RAI1: variants seen among roughly 807,000 people sequenced by gnomAD.
The protein encoded by RAI1 is retinoic acid-induced protein 1.
In RAI1, 9 loss-of-function variants were observed where a neutral mutation model predicts 123.8. The ratio of observed to expected loss-of-function variants is 0.07; its 90% CI spans 0.04 to 0.13. The LOEUF is 0.13. Among genes scored for constraint, RAI1 ranks in the 10% least tolerant of loss-of-function variants. The pLI is 1.00. For synonymous variants in RAI1, 1,231 were observed against 1,127.3 expected (o/e 1.09, Z -1.84); for missense variants, 2,256 against 2,545.8 (o/e 0.89, Z 2.45).
chr17:17,775,469 G>A (rs995913628), intron 2 of RAI1, among the ~76,000 whole-genome samples: 1 of 152,074 alleles, frequency 6.6e-6, no homozygotes, highest in African/African-American at 2.4e-5. Flanking sequence ...CTCCCAAAGT[G>A]CTGGAATTAT....
At chr17:17,702,075 G>T (rs1598021261) in intron 1 of RAI1, among the ~76,000 whole-genome samples, 2 of 152,254 alleles carry the variant, frequency 1.3e-5, no homozygotes, top group South Asian at 4.1e-4. Flanking sequence ...TGGAAGGAAG[G>T]ATAAGTGTGA....
chr17:17,775,090 A>C (rs187090134), intron 2 of RAI1, among the ~76,000 whole-genome samples: 2 of 152,308 alleles, frequency 1.3e-5, no homozygotes, highest in East Asian at 3.9e-4. Context: ...GTAGAAATAG[A>C]ATGAAAACAT....
At chr17:17,764,558 C>T (rs1306971145) in intron 2 of RAI1, among the ~76,000 whole-genome samples, 2 of 151,942 alleles carry the variant, frequency 1.3e-5, no homozygotes, top group South Asian at 2.1e-4. Context: ...CTACAACCTC[C>T]GTCTCCCGAG....
chr17:17,803,844 A>G lies in RAI1; in HGVS notation c.5654A>G (p.Asp1885Gly). 3 of 1,613,284 alleles carry G rather than the reference A, an allele frequency of 1.9e-6. No individual in the cohort carries two copies. Among genetic ancestry groups the G allele is most frequent in the Non-Finnish European group, 2.5e-6 (3 of 1,179,828 alleles). The stretch of plus-strand genomic sequence containing the variant: ...ACCTACCACTACCCGTGTGCCAGCG[A>G]TGCAGGTACGAGCCCGCCCAGGAAC... The part of the protein sequence containing the change: ...LHTYHYPCAS[D>G]AGCIFIEENF... The change falls in exon 4 of 6, where the codon GAT becomes GGT. Residue 1885 changes from aspartate to glycine, a missense_variant. Asp to Gly is a moderately conservative substitution (Grantham distance 94). Coordinates refer to ENST00000353383, the MANE Select transcript of RAI1 (RefSeq NM_030665.4).
chr17:17,808,775 A>G (rs1230214907), intron 4 of RAI1, among the ~76,000 whole-genome samples: 1 of 152,126 alleles, frequency 6.6e-6, no homozygotes, highest in African/African-American at 2.4e-5. Flanking sequence ...CCCATCCTCA[A>G]TCTCCATGAT....
At position 17,800,180 on chromosome 17, in the gene RAI1, G is replaced by GTGTCTCTCTCTCTC. The variant is rs1407505001; in HGVS notation, c.5565+1668_5565+1669insGTCTCTCTCTCTCT. Among the ~76,000 whole-genome samples the GTGTCTCTCTCTCTC allele has an allele frequency of 6.4e-4, 74 of 116,392 alleles. 3 individuals carry two copies. The highest frequency in any genetic ancestry group is 2.0e-3 in the African/African-American group (67 of 33,440). The allele number at this position is 116,392 out of a possible 152,430, so 76.4% of individuals were successfully genotyped here. On this transcript the variant is annotated intron_variant, in intron 3 of 5. Coordinates refer to ENST00000353383, the MANE Select transcript of RAI1 (RefSeq NM_030665.4). The surrounding 1 kb of genome is among the most constrained non-coding windows in gnomAD (Gnocchi z 4.7). ...TCTCTCCTGCTTTCTGTCTCTCTCT[G>GTGTCTCTCTCTCTC]TCTCTCTCTCTCTCTCTCTCTCTCT...
intron 2 of RAI1, chr17:17,766,187 T>C (rs2030921150): frequency 6.6e-6 from 1 of 152,174 alleles, no homozygotes; most frequent in African/African-American, 2.4e-5. Context: ...TTAAGAAACA[T>C]ATGGCCTAGT....
chr17:17,805,007 C>A (rs182319889), intron 4 of RAI1, among the ~76,000 whole-genome samples: 81 of 152,266 alleles, frequency 5.3e-4, no homozygotes, highest in African/African-American at 1.9e-3. Flanking sequence ...GGACTACAGG[C>A]GTGCACCACC....
At chr17:17,787,338 T>TG (rs1489782004) in intron 2 of RAI1, among the ~76,000 whole-genome samples, 1 of 152,210 alleles carries the variant, frequency 6.6e-6, no homozygotes, top group Admixed American at 6.5e-5. Flanking sequence ...ACCAGACCCT[T>TG]GCCCTGTTAA....
chr17:17,753,946 T>C (rs746886696), intron 2 of RAI1, among the ~76,000 whole-genome samples: 9 of 152,152 alleles, frequency 5.9e-5, no homozygotes, highest in Non-Finnish European at 1.0e-4. Context: ...CACTTCAACT[T>C]TGCATTGGAT....
intron 1 of RAI1, among the ~76,000 whole-genome samples, chr17:17,711,417 C>A (rs1222423555): frequency 6.6e-6 from 1 of 152,224 alleles, no homozygotes; most frequent in African/African-American, 2.4e-5. Context: ...CCCAGGTCCT[C>A]CCAGCTCCCC....
intron 2 of RAI1, among the ~76,000 whole-genome samples, chr17:17,774,143 G>A (rs893151289): frequency 2.0e-5 from 3 of 152,186 alleles, no homozygotes; most frequent in African/African-American, 7.2e-5. Context: ...ATGTCTGGTA[G>A]GTGTGGGAAT....
chr17:17,744,009 C>A (rs1306450526), intron 2 of RAI1, among the ~76,000 whole-genome samples: 1 of 152,202 alleles, frequency 6.6e-6, no homozygotes, highest in Admixed American at 6.5e-5. Context: ...GGCTGTGAGA[C>A]AGTCATTGCA....
chr17:17,723,036 T>C lies in RAI1; in HGVS notation c.-148-992T>C, dbSNP rs73981033. 9.2e-3 allele frequency among the ~76,000 whole-genome samples: 1,393 copies of C among 152,062 alleles called. 24 individuals are homozygous for C. Among genetic ancestry groups the C allele is most frequent in the African/African-American group, 0.03 (1,240 of 41,488 alleles). On this transcript the variant is annotated intron_variant, in intron 1 of 5. Coordinates refer to ENST00000353383, the MANE Select transcript of RAI1 (RefSeq NM_030665.4). The stretch of plus-strand genomic sequence containing the variant: ...CCTGCAGATACCCACCACAGCCCTT[T>C]AAGTTAACCCAAAGCCCCGTACAGG...
rs2032382282 is a variant in RAI1 at position 17,799,428 on chromosome 17, G to A, written c.5565+915G>A. 1.3e-5 allele frequency among the ~76,000 whole-genome samples: 2 copies of A among 152,178 alleles called. No individual in the cohort carries two copies. Among genetic ancestry groups the A allele is most frequent in the African/African-American group, 4.8e-5 (2 of 41,430 alleles). ...AGAGTACCTCTGTGCCCTTCTGAGG[G>A]AGGGGTCAGTGGGGGCGGTGGGGTG... is the stretch of plus-strand genomic sequence containing the variant. On this transcript the variant is annotated intron_variant, in intron 3 of 5. Coordinates refer to ENST00000353383, the MANE Select transcript of RAI1 (RefSeq NM_030665.4). This position sits in a 1 kb window ranked among gnomAD's most constrained non-coding sequence, Gnocchi z 4.5.
rs370771327 is a variant in RAI1 at position 17,762,304 on chromosome 17, C to T, written c.-16-30629C>T. On this transcript the variant is annotated intron_variant, in intron 2 of 5. Coordinates refer to ENST00000353383, the MANE Select transcript of RAI1 (RefSeq NM_030665.4). Reference sequence around the variant, plus strand: ...AGACCCAGGAGGATGGCGTCCCAGGCGGAGGGAACAGCATGTGCAAAGGCC... The same window carrying T: ...AGACCCAGGAGGATGGCGTCCCAGGTGGAGGGAACAGCATGTGCAAAGGCC... Among the ~76,000 whole-genome samples the T allele has an allele frequency of 5.3e-4, 81 of 152,036 alleles. 1 individual carries two copies. The highest frequency in any genetic ancestry group is 1.7e-3 in the African/African-American group (69 of 41,460).
chr17:17,801,867 A>C lies in RAI1; in HGVS notation c.5566-1889A>C, dbSNP rs1299954353. 6.6e-6 allele frequency among the ~76,000 whole-genome samples: 1 copy of C among 152,218 alleles called. No homozygotes were observed. Among genetic ancestry groups the C allele is most frequent in the Non-Finnish European group, 1.5e-5 (1 of 68,040 alleles). On this transcript the variant is annotated intron_variant, in intron 3 of 5. Transcript: ENST00000353383. The surrounding 1 kb of genome is among the most constrained non-coding windows in gnomAD (Gnocchi z 4.1). Reference sequence around the variant, plus strand: ...GGCAGGTTACTCAGCCTCAGCTCTCATTGGTAACCCAGGTAAAATAACAGT... The same window carrying C: ...GGCAGGTTACTCAGCCTCAGCTCTCCTTGGTAACCCAGGTAAAATAACAGT...
At chr17:17,721,653 G>T (rs951324630) in intron 1 of RAI1, among the ~76,000 whole-genome samples, 1 of 152,196 alleles carries the variant, frequency 6.6e-6, no homozygotes, top group African/African-American at 2.4e-5. Context: ...CAGCCAGGTT[G>T]GTGATCCCCA....
intron 1 of RAI1, among the ~76,000 whole-genome samples, chr17:17,686,590 T>C (rs1914643396): frequency 6.7e-6 from 1 of 148,302 alleles, no homozygotes; most frequent in African/African-American, 2.5e-5. Context: ...TGTGTGTGTG[T>C]GTGTGTGTGT....
Sources: gnomAD v4.1 joint callset for allele counts (sites outside exome capture counted in the v4.1 genomes callset) on GRCh38, gnomAD v4.1.1 for gene constraint, Gnocchi (gnomAD v3.1) non-coding constraint, MANE v1.5 for transcripts, NCBI Gene and HGNC (gene_info 2026-07-23, HGNC 2026-07-21) for gene names.